ZNF407: variants seen among roughly 807,000 people sequenced by gnomAD.
ZNF407 encodes the protein zinc finger protein 407.
A neutral mutation model predicts 131.2 loss-of-function variants in ZNF407; 17 were observed. The ratio of observed to expected loss-of-function variants is 0.13; its 90% CI spans 0.09 to 0.19. ZNF407 has a LOEUF of 0.19. Among genes scored for constraint, ZNF407 ranks in the 10% least tolerant of loss-of-function variants. The pLI, the probability that ZNF407 is intolerant of heterozygous loss-of-function variation, is 1.00. For synonymous variants in ZNF407, 1,156 were observed against 1,062.0 expected (o/e 1.09, Z -1.72); for missense variants, 2,681 against 2,830.6 (o/e 0.95, Z 1.20).
chr18:74,862,079 T>C (rs1311627666), intron 4 of ZNF407, among the ~76,000 whole-genome samples: 1 of 152,262 alleles, frequency 6.6e-6, no homozygotes, highest in East Asian at 1.9e-4. Context: ...CTTAGAACTT[T>C]AGGAATTTTC....
At chr18:74,894,808 A>G (rs1328832610) in intron 7 of ZNF407, among the ~76,000 whole-genome samples, 1 of 152,182 alleles carries the variant, frequency 6.6e-6, no homozygotes, top group Non-Finnish European at 1.5e-5. Context: ...ATGGCAAGCC[A>G]GACTCTGACA....
chr18:74,823,434 A>G (rs2145105698), intron 4 of ZNF407, among the ~76,000 whole-genome samples: 2 of 152,342 alleles, frequency 1.3e-5, no homozygotes, highest in Middle Eastern at 6.8e-3. Context: ...ATGCAGAGTC[A>G]AGACCCATTG....
At chr18:74,755,693 A>T (rs559934896) in intron 3 of ZNF407, among the ~76,000 whole-genome samples, 4 of 136,140 alleles carry the variant, frequency 2.9e-5, no homozygotes, top group Admixed American at 7.5e-5. Context: ...AGTTCAAGCG[A>T]TTCTTCTGCC....
intron 7 of ZNF407, among the ~76,000 whole-genome samples, chr18:74,890,998 C>T (rs946574690): frequency 3.3e-5 from 5 of 152,328 alleles, no homozygotes; most frequent in African/African-American, 1.2e-4. Context: ...TGATGTCTGC[C>T]AGGTAGCAGA....
intron 3 of ZNF407, among the ~76,000 whole-genome samples, chr18:74,715,889 G>C (rs952836660): frequency 1.3e-5 from 2 of 152,084 alleles, no homozygotes; most frequent in Non-Finnish European, 2.9e-5. Context: ...TTACATTTTC[G>C]TAATCCTGTC....
chr18:74,620,149 A>T (rs1322478614), intron 1 of ZNF407, among the ~76,000 whole-genome samples: 1 of 152,238 alleles, frequency 6.6e-6, no homozygotes, highest in Non-Finnish European at 1.5e-5. Flanking sequence ...ACTACAAAAG[A>T]TATATTTGTC....
At chr18:74,854,943 G>A (rs1970838815) in intron 4 of ZNF407, among the ~76,000 whole-genome samples, 1 of 152,060 alleles carries the variant, frequency 6.6e-6, no homozygotes, top group South Asian at 2.1e-4. Flanking sequence ...TTATAGATTA[G>A]TGAAATATTT....
At chr18:75,055,061 C>T (rs562222882) in intron 8 of ZNF407, among the ~76,000 whole-genome samples, 94 of 152,300 alleles carry the variant, frequency 6.2e-4, no homozygotes, top group South Asian at 1.9e-3. Flanking sequence ...CCTCAACACC[C>T]GGAAATGTGT....
chr18:75,029,210 A>G (rs1038785067), intron 8 of ZNF407, among the ~76,000 whole-genome samples: 1 of 152,240 alleles, frequency 6.6e-6, no homozygotes, highest in African/African-American at 2.4e-5. Context: ...ATGCAGGTGA[A>G]TAAGGTAAAG....
chr18:75,021,568 C>T lies in ZNF407; in HGVS notation c.5429-41582C>T, dbSNP rs145383498. Among the ~76,000 whole-genome samples the T allele has an allele frequency of 9.3e-3, 1,412 of 152,152 alleles. 16 individuals carry two copies. Among genetic ancestry groups the T allele is most frequent in the African/African-American group, 0.027 (1,107 of 41,510 alleles). On this transcript the variant is annotated intron_variant, in intron 8 of 8. Coordinates refer to ENST00000299687, the MANE Select transcript of ZNF407 (RefSeq NM_017757.3). Reference sequence around the variant, plus strand: ...TACAGGCATGAGCCGTCATGCCTGGCCCATTATACATTCTTAAAGAGGACT... The same window carrying T: ...TACAGGCATGAGCCGTCATGCCTGGTCCATTATACATTCTTAAAGAGGACT...
intron 7 of ZNF407, among the ~76,000 whole-genome samples, chr18:74,890,340 T>G: frequency 6.6e-6 from 1 of 152,184 alleles, no homozygotes; most frequent in East Asian, 1.9e-4. Context: ...TTGATGAACC[T>G]ACATTGACAT....
intron 3 of ZNF407, among the ~76,000 whole-genome samples, chr18:74,732,431 T>C (rs1968315285): frequency 6.6e-6 from 1 of 152,182 alleles, no homozygotes; most frequent in African/African-American, 2.4e-5. Context: ...AAAGCTAATA[T>C]TTAAGAAAAA....
At chr18:74,804,302 TA>T (rs373245489) in intron 4 of ZNF407, 71,055 of 680,206 alleles carry the variant, frequency 0.1, 20 homozygotes, top group Middle Eastern at 0.11. Flanking sequence ...ATCAATGAGT[TA>T]AAAAAAAAAA....
At chr18:74,991,453 T>G (rs1014187245) in intron 8 of ZNF407, among the ~76,000 whole-genome samples, 91 of 152,224 alleles carry the variant, frequency 6.0e-4, no homozygotes, top group African/African-American at 2.0e-3. Context: ...GCCATTTTCT[T>G]TCTAAGATGA....
chr18:74,621,941 C>T (rs1025392808), intron 1 of ZNF407, among the ~76,000 whole-genome samples: 1 of 151,956 alleles, frequency 6.6e-6, no homozygotes, highest in East Asian at 1.9e-4. Flanking sequence ...GGAAGACAGA[C>T]CCTATTACAT....
At chr18:74,822,007 T>C (rs1970347218) in intron 4 of ZNF407, among the ~76,000 whole-genome samples, 1 of 152,256 alleles carries the variant, frequency 6.6e-6, no homozygotes, top group Admixed American at 6.5e-5. Flanking sequence ...TTGATTTGCA[T>C]TTCTCTAATG....
intron 8 of ZNF407, among the ~76,000 whole-genome samples, chr18:75,023,808 T>G (rs1206507148): frequency 6.6e-6 from 1 of 152,228 alleles, no homozygotes; most frequent in African/African-American, 2.4e-5. Context: ...GGGAAACTCT[T>G]CTTTAGATTA....
intron 2 of ZNF407, among the ~76,000 whole-genome samples, chr18:74,640,216 T>C (rs1025736806): frequency 2.6e-5 from 4 of 152,170 alleles, no homozygotes; most frequent in Admixed American, 6.5e-5. Context: ...TTCAATCTTA[T>C]CTATTACTGA....
chr18:75,064,677 C>T lies in ZNF407; in HGVS notation c.*209C>T. On this transcript the variant is annotated 3_prime_UTR_variant, in exon 9 of 9. Coordinates refer to ENST00000299687, the MANE Select transcript of ZNF407 (RefSeq NM_017757.3). ...CGTGGGCTGGGCCTCGGGGAGCAGGCTGCCAAGTGCAGGGGAGGGCCGGGC... is the reference window on the plus strand; with the variant it reads ...CGTGGGCTGGGCCTCGGGGAGCAGGTTGCCAAGTGCAGGGGAGGGCCGGGC... 1 of 483,338 alleles carries T rather than the reference C, an allele frequency of 2.1e-6. No homozygotes were observed. The highest frequency in any genetic ancestry group is 3.5e-6 in the Non-Finnish European group (1 of 281,736). The allele number at this position is 483,338 out of a possible 1,614,324, so 29.9% of individuals were successfully genotyped here.
Sources: allele counts gnomAD v4.1 joint callset (sites outside exome capture counted in the v4.1 genomes callset), GRCh38; gene constraint gnomAD v4.1.1; transcripts MANE v1.5; gene names NCBI Gene and HGNC (gene_info 2026-07-23, HGNC 2026-07-21).